DOCK1: variants seen among roughly 807,000 people sequenced by gnomAD.
DOCK1 encodes dedicator of cytokinesis protein 1.
Under a neutral mutation model 262.7 loss-of-function variants are expected in DOCK1, and 138 were observed. That is an observed-to-expected ratio of 0.53 (90% CI 0.46 to 0.61). The LOEUF is 0.61. Ranked by LOEUF, DOCK1 falls within the 20% of genes least tolerant of loss-of-function variation. The pLI, the probability that DOCK1 is intolerant of heterozygous loss-of-function variation, is 0.00. For missense variants in DOCK1, 1,908 were observed against 2,370.7 expected, an observed-to-expected ratio of 0.80 and a Z score of 4.05; for synonymous variants, 866 against 867.4, an observed-to-expected ratio of 1.00 and a Z score of 0.03.
intron 6 of DOCK1, among the ~76,000 whole-genome samples, chr10:126,996,008 A>G (rs1486041969): frequency 6.6e-6 from 1 of 152,070 alleles, no homozygotes; most frequent in Non-Finnish European, 1.5e-5. Flanking sequence ...TGATGTCACA[A>G]CTGCCAGCTA....
rs1227343982 is a variant in DOCK1 at position 126,943,732 on chromosome 10, G to A, written c.47-26970G>A. Among the ~76,000 whole-genome samples, 3 of 152,282 alleles carry A rather than the reference G, an allele frequency of 2.0e-5. No individual in the cohort carries two copies. In the East Asian group the frequency reaches 5.8e-4, roughly 29 times the overall value. On this transcript the variant is annotated intron_variant, in intron 1 of 51. Coordinates refer to ENST00000623213, the MANE Select transcript of DOCK1 (RefSeq NM_001290223.2). ...GACTACCAAGGGAGGCTTCCTGGAAGAAGCGGCTTTTTAAATAGGTGCTTT... is the reference window on the plus strand; with the variant it reads ...GACTACCAAGGGAGGCTTCCTGGAAAAAGCGGCTTTTTAAATAGGTGCTTT...
At chr10:127,116,614 A>G (rs1237625260) in intron 25 of DOCK1, among the ~76,000 whole-genome samples, 1 of 152,186 alleles carries the variant, frequency 6.6e-6, no homozygotes, top group African/African-American at 2.4e-5. Context: ...CCCATAATAT[A>G]CCTTCTTAAT....
intron 23 of DOCK1, among the ~76,000 whole-genome samples, chr10:127,076,779 CAG>C (rs1491128577): frequency 1.3e-5 from 2 of 152,208 alleles, no homozygotes; most frequent in African/African-American, 2.4e-5. Flanking sequence ...CCAGGGCTGA[CAG>C]GGGGGCTCCG....
intron 37 of DOCK1, 96 bp from the exon 38 acceptor site, chr10:127,384,694 C>T (rs878564): frequency 0.72 from 977,448 of 1,363,604 alleles, 351,576 homozygotes; most frequent in African/African-American, 0.83. Flanking sequence ...TCTCCAGAAC[C>T]GCGGCCCACA....
At chr10:126,912,442 A>AG (rs894326988) in intron 1 of DOCK1, among the ~76,000 whole-genome samples, 11 of 148,736 alleles carry the variant, frequency 7.4e-5, no homozygotes, top group East Asian at 6.1e-4. Flanking sequence ...AAAAAAAAAA[A>AG]GAGACCGGGC....
rs1026828319 is a variant in DOCK1 at position 127,446,732 on chromosome 10, C to T, written c.5414-662C>T. 5.9e-5 allele frequency among the ~76,000 whole-genome samples: 9 copies of T among 152,172 alleles called. No homozygotes were observed. The highest frequency in any genetic ancestry group is 2.6e-4 in the Admixed American group (4 of 15,284). On this transcript the variant is annotated intron_variant, in intron 50 of 51. Transcript: ENST00000623213. This position sits in a 1 kb window ranked among gnomAD's most constrained non-coding sequence, Gnocchi z 4.4. ...AACAAATTATCTTTAAGAGTCTCAACAAGGTTTGAGAAAATATCCTGCCTT... is the reference window on the plus strand; with the variant it reads ...AACAAATTATCTTTAAGAGTCTCAATAAGGTTTGAGAAAATATCCTGCCTT...
At chr10:127,070,080 C>T (rs181020834) in intron 23 of DOCK1, among the ~76,000 whole-genome samples, 36 of 152,056 alleles carry the variant, frequency 2.4e-4, no homozygotes, top group Non-Finnish European at 4.0e-4. Context: ...CCCGTCTTCA[C>T]GCAGCACTCT....
intron 27 of DOCK1, among the ~76,000 whole-genome samples, chr10:127,153,008 C>G (rs1262566681): frequency 1.3e-5 from 2 of 152,160 alleles, no homozygotes; most frequent in Admixed American, 1.3e-4. Context: ...TGTCTGTGTT[C>G]TTAATGCAGA....
chr10:127,186,951 A>G (rs1239154417), intron 27 of DOCK1, among the ~76,000 whole-genome samples: 1 of 152,168 alleles, frequency 6.6e-6, no homozygotes, highest in Non-Finnish European at 1.5e-5. Flanking sequence ...TGTTCCTTGA[A>G]TCAGGCACAT....
chr10:127,166,246 T>C (rs894777300), intron 27 of DOCK1, among the ~76,000 whole-genome samples: 2 of 152,086 alleles, frequency 1.3e-5, no homozygotes, highest in African/African-American at 2.4e-5. Context: ...TTTTTATTTT[T>C]AGTAGAGACA....
At chr10:126,999,472 C>T (rs766115296) in intron 9 of DOCK1, 37 bp downstream of exon 9, 56 of 1,569,664 alleles carry the variant, frequency 3.6e-5, no homozygotes, top group Non-Finnish European at 4.6e-5. Flanking sequence ...GAATTGGCTA[C>T]CATTCTAAGG....
chr10:126,967,552 T>G (rs1376634523), intron 1 of DOCK1, among the ~76,000 whole-genome samples: 3 of 151,202 alleles, frequency 2.0e-5, no homozygotes, highest in East Asian at 3.9e-4. Flanking sequence ...AAACTCGGGC[T>G]AAGATACGAG....
intron 32 of DOCK1, 65 bp downstream of exon 32, chr10:127,354,792 C>T (rs2064058894): frequency 1.4e-5 from 22 of 1,595,176 alleles, no homozygotes; most frequent in South Asian, 4.4e-5. Flanking sequence ...TGGCACTGGC[C>T]GTGTTCATCA....
Position 127,410,832 on chromosome 10 carries a change from C to T in DOCK1, c.4344-8C>T. On this transcript the variant is annotated splice_region_variant and splice_polypyrimidine_tract_variant and intron_variant, in intron 42 of 51. Transcript: ENST00000623213. ...TAAATATCTAATGATCTGTCTGTCTCTGTACAGTTTTTACAGGGTGAACGA... is the reference window on the plus strand; with the variant it reads ...TAAATATCTAATGATCTGTCTGTCTTTGTACAGTTTTTACAGGGTGAACGA... 6.2e-7 allele frequency: 1 copy of T among 1,613,442 alleles called. No individual in the cohort carries two copies. Among genetic ancestry groups the T allele is most frequent in the Admixed American group, 1.7e-5 (1 of 59,974 alleles).
Position 126,924,248 on chromosome 10 carries a change from A to C in DOCK1, c.46+18685A>C, listed in dbSNP as rs141857411. Among the ~76,000 whole-genome samples, 719 of 113,560 alleles carry C rather than the reference A, an allele frequency of 6.3e-3. 24 individuals carry two copies. The highest frequency in any genetic ancestry group is 0.056 in the Admixed American group (561 of 10,050). The allele number at this position is 113,560 out of a possible 152,430, so 74.5% of individuals were successfully genotyped here. ...TGAATGCTGGAACTGAGCAGGGGGA[A>C]CTGAGTGCTGGAACTCAGTAGGGGG... is the stretch of plus-strand genomic sequence containing the variant. On this transcript the variant is annotated intron_variant, in intron 1 of 51. Transcript: ENST00000623213.
chr10:127,436,363 T>A (rs2069684604), intron 48 of DOCK1, among the ~76,000 whole-genome samples: 1 of 151,752 alleles, frequency 6.6e-6, no homozygotes, highest in Non-Finnish European at 1.5e-5. Flanking sequence ...CAAAAAAATA[T>A]AAAAATTAGC....
chr10:127,313,560 T>G (rs2062145895), intron 29 of DOCK1, among the ~76,000 whole-genome samples: 1 of 152,218 alleles, frequency 6.6e-6, no homozygotes, highest in Admixed American at 6.5e-5. Flanking sequence ...GTTGTGGGCT[T>G]GCTTTAGACC....
At position 127,367,732 on chromosome 10, in the gene DOCK1, C is replaced by T. The variant is rs533726049; in HGVS notation, c.3432+5520C>T. ...GGCTGGGTCCATAGCCATAGAGCTC[C>T]GGTCCGTTGACAGGAAGGCGTTCCC... On this transcript the variant is annotated intron_variant, in intron 33 of 51. Transcript: ENST00000623213. 1.4e-3 allele frequency among the ~76,000 whole-genome samples: 208 copies of T among 152,274 alleles called. 2 individuals carry two copies. Among genetic ancestry groups the T allele is most frequent in the African/African-American group, 4.6e-3 (193 of 41,560 alleles).
Position 126,995,028 on chromosome 10 carries a change from C to T in DOCK1, c.474-1720C>T, listed in dbSNP as rs2040075553. Among the ~76,000 whole-genome samples, 1 of 149,704 alleles carries T rather than the reference C, an allele frequency of 6.7e-6. No individual in the cohort carries two copies. The highest frequency in any genetic ancestry group is 2.5e-5 in the African/African-American group (1 of 40,474). On this transcript the variant is annotated intron_variant, in intron 6 of 51. Coordinates refer to ENST00000623213, the MANE Select transcript of DOCK1 (RefSeq NM_001290223.2). This position sits in a 1 kb window ranked among gnomAD's most constrained non-coding sequence, Gnocchi z 5.8. Reference sequence around the variant, plus strand: ...GGGTGGCGGCGGGGCAGAGACACTCCTCAGTTCCCAGACGGGGTCGTGGCT... The same window carrying T: ...GGGTGGCGGCGGGGCAGAGACACTCTTCAGTTCCCAGACGGGGTCGTGGCT...
Sources: gnomAD v4.1 joint callset for allele counts (sites outside exome capture counted in the v4.1 genomes callset) on GRCh38, gnomAD v4.1.1 for gene constraint, Gnocchi (gnomAD v3.1) non-coding constraint, MANE v1.5 for transcripts, NCBI Gene and HGNC (gene_info 2026-07-23, HGNC 2026-07-21) for gene names.